ZBTB20: variants seen among roughly 807,000 people sequenced by gnomAD.
ZBTB20 encodes zinc finger and BTB domain containing 20.
In ZBTB20, 9 loss-of-function variants were observed where a neutral mutation model predicts 56.9. The ratio of observed to expected loss-of-function variants is 0.16; its 90% CI spans 0.10 to 0.28. ZBTB20 has a LOEUF of 0.28. ZBTB20 is among the 10% of genes least tolerant of loss of function. ZBTB20 has a pLI of 1.00. For synonymous variants in ZBTB20, 417 were observed against 420.7 expected (o/e 0.99, Z 0.11); for missense variants, 655 against 1,003.0 (o/e 0.65, Z 4.69).
At chr3:115,026,959 G>T (rs2080451408) in intron 2 of ZBTB20, among the ~76,000 whole-genome samples, 1 of 150,598 alleles carries the variant, frequency 6.6e-6, no homozygotes, top group Admixed American at 6.7e-5. Flanking sequence ...TTGAATCTCA[G>T]TATTTTTGCT....
At chr3:114,971,881 A>G (rs2077898300) in intron 3 of ZBTB20, among the ~76,000 whole-genome samples, 1 of 152,200 alleles carries the variant, frequency 6.6e-6, no homozygotes, top group African/African-American at 2.4e-5. Context: ...CCTCCTCATC[A>G]AGCAGCTTTG....
intron 1 of ZBTB20, among the ~76,000 whole-genome samples, chr3:115,090,996 T>C (rs2083170481): frequency 6.6e-6 from 1 of 151,912 alleles, no homozygotes; most frequent in South Asian, 2.1e-4. Flanking sequence ...CTGCAAGTAG[T>C]CCATAGTCCT....
At chr3:114,880,372 C>T (rs1023388304) in intron 4 of ZBTB20, among the ~76,000 whole-genome samples, 1 of 152,126 alleles carries the variant, frequency 6.6e-6, no homozygotes, top group Non-Finnish European at 1.5e-5. Context: ...CTCTTCCCAC[C>T]TCTTTGTATT....
chr3:114,763,583 C>A (rs900316066), intron 5 of ZBTB20, among the ~76,000 whole-genome samples: 1 of 151,976 alleles, frequency 6.6e-6, no homozygotes, highest in Non-Finnish European at 1.5e-5. Flanking sequence ...CCTTAAATAG[C>A]ATATATAGTA....
intron 6 of ZBTB20, among the ~76,000 whole-genome samples, chr3:114,666,532 A>C (rs1187065768): frequency 6.6e-6 from 1 of 152,044 alleles, no homozygotes; most frequent in East Asian, 1.9e-4. Context: ...AAGTGGTGAT[A>C]GACTTCAAAA....
At chr3:114,558,541 A>G (rs575678031) in intron 6 of ZBTB20, among the ~76,000 whole-genome samples, 3 of 152,184 alleles carry the variant, frequency 2.0e-5, no homozygotes, top group Non-Finnish European at 4.4e-5. Context: ...AACAAAAGAC[A>G]TTTCAAATTC....
chr3:114,880,288 A>G (rs2076351670), intron 4 of ZBTB20, among the ~76,000 whole-genome samples: 1 of 152,188 alleles, frequency 6.6e-6, no homozygotes, highest in Non-Finnish European at 1.5e-5. Flanking sequence ...TTTGCTTTGG[A>G]GAAAGCTGTT....
intron 2 of ZBTB20, among the ~76,000 whole-genome samples, chr3:115,015,515 T>C (rs1216776812): frequency 1.3e-5 from 2 of 151,670 alleles, no homozygotes; most frequent in Non-Finnish European, 2.9e-5. Flanking sequence ...CCCCTCCCCA[T>C]GTGTCCATGT....
At position 114,329,730 on chromosome 3, in the gene ZBTB20, A is replaced by AC. The variant is rs1212631506; in HGVS notation, c.*9274_*9275insG. ...TTTGGAAAAAAAAAAAAAAAAAAAA[A>AC]AAAAAAACAACTCCCAGGAAAATGA... is the stretch of plus-strand genomic sequence containing the variant. On this transcript the variant is annotated 3_prime_UTR_variant, in exon 12 of 12. Coordinates refer to ENST00000675478, the MANE Select transcript of ZBTB20 (RefSeq NM_001348800.3). 1.3e-5 allele frequency: 2 copies of AC among 148,798 alleles called. No homozygotes were observed. Among genetic ancestry groups the AC allele is most frequent in the Non-Finnish European group, 3.0e-5 (2 of 67,048 alleles). 9.2% of individuals were successfully genotyped at this position (148,798 alleles called of 1,614,324 possible). A position where few individuals can be genotyped will look rare whatever the true frequency, so the allele number is the denominator to read the frequency against.
At chr3:115,067,991 A>G (rs1023547691) in intron 2 of ZBTB20, among the ~76,000 whole-genome samples, 3 of 152,262 alleles carry the variant, frequency 2.0e-5, no homozygotes, top group African/African-American at 7.2e-5. Flanking sequence ...TCAAGAACAC[A>G]GCACTTCAAA....
chr3:114,803,686 A>C (rs1402685974), intron 4 of ZBTB20, among the ~76,000 whole-genome samples: 1 of 151,884 alleles, frequency 6.6e-6, no homozygotes, highest in Non-Finnish European at 1.5e-5. Context: ...TCAAGGATGT[A>C]AAATATTCTG....
intron 3 of ZBTB20, among the ~76,000 whole-genome samples, chr3:114,906,151 G>A (rs2075309602): frequency 6.6e-6 from 1 of 151,760 alleles, no homozygotes; most frequent in Non-Finnish European, 1.5e-5. Flanking sequence ...CTGACACACA[G>A]TCAACACTTA....
At chr3:114,354,939 G>A (rs1321780611) in intron 10 of ZBTB20, among the ~76,000 whole-genome samples, 1 of 152,172 alleles carries the variant, frequency 6.6e-6, no homozygotes, top group African/African-American at 2.4e-5. Context: ...CTCTCAAAAT[G>A]TCTAAATGAC....
At position 114,330,884 on chromosome 3, in the gene ZBTB20, C is replaced by G. The variant is rs2079225060; in HGVS notation, c.*8121G>C. On this transcript the variant is annotated 3_prime_UTR_variant, in exon 12 of 12. Transcript: ENST00000675478. ...CAGTATATTATACTAGAGTGGCATT[C>G]TACTTCAATGCTTGAGATGGGCAAG... 6.6e-6 allele frequency: 1 copy of G among 152,190 alleles called. No individual in the cohort carries two copies. Among genetic ancestry groups the G allele is most frequent in the Non-Finnish European group, 1.5e-5 (1 of 68,048 alleles). The allele number at this position is 152,190 out of a possible 1,614,324, so 9.4% of individuals were successfully genotyped here.
intron 5 of ZBTB20, among the ~76,000 whole-genome samples, chr3:114,749,001 A>G (rs2067338551): frequency 1.3e-5 from 2 of 152,238 alleles, no homozygotes; most frequent in Non-Finnish European, 2.9e-5. Context: ...ATTAGATTTT[A>G]GTTTTGGAGG....
At chr3:114,894,055 CA>C (rs925657682) in intron 4 of ZBTB20, among the ~76,000 whole-genome samples, 15 of 152,240 alleles carry the variant, frequency 9.9e-5, no homozygotes, top group African/African-American at 3.1e-4. Context: ...CAACAAAACA[CA>C]AAAACCTTAA....
In ZBTB20 at chr3:114,410,916, A is replaced by G. The variant is rs2087883397; in HGVS notation, c.-254-21811T>C. Among the ~76,000 whole-genome samples the G allele has an allele frequency of 3.3e-5, 5 of 152,124 alleles. No homozygotes were observed. In the South Asian group the frequency reaches 1.0e-3, roughly 32 times the overall value. ...CTACTCCTGGGGTGCATAGGGAGAC[A>G]ACTGACTTAGTGGAGGGAAGGGAAG... On this transcript the variant is annotated intron_variant, in intron 7 of 11. Transcript: ENST00000675478.
chr3:114,567,775 G>A (rs1174337688), intron 6 of ZBTB20, among the ~76,000 whole-genome samples: 1 of 152,154 alleles, frequency 6.6e-6, no homozygotes, highest in Non-Finnish European at 1.5e-5. Flanking sequence ...AACCAATGAG[G>A]TTAAAATCTT....
At chr3:114,559,034 T>C (rs934621102) in intron 6 of ZBTB20, among the ~76,000 whole-genome samples, 10 of 152,182 alleles carry the variant, frequency 6.6e-5, no homozygotes, top group African/African-American at 2.4e-4. Context: ...ATTTCATTCT[T>C]CATTGTGTGT....
Sources: gnomAD v4.1 joint callset for allele counts (sites outside exome capture counted in the v4.1 genomes callset) on GRCh38, gnomAD v4.1.1 for gene constraint, MANE v1.5 for transcripts, NCBI Gene and HGNC (gene_info 2026-07-23, HGNC 2026-07-21) for gene names.